Variants in SORL1 observed in about 807,000 individuals in gnomAD.
The protein encoded by SORL1 is sortilin related receptor 1.
SORL1 carries 127 observed loss-of-function variants against 273.7 expected under a neutral mutation model. The ratio of observed to expected loss-of-function variants is 0.46; its 90% confidence interval spans 0.40 to 0.54. SORL1 has a LOEUF of 0.54. Ranked by LOEUF, SORL1 falls within the 20% of genes least tolerant of loss-of-function variation. SORL1 has a pLI of 0.00. For synonymous variants in SORL1, 1,031 were observed against 1,067.4 expected, an observed-to-expected ratio of 0.97 and a Z score of 0.66; for missense variants, 2,494 against 2,846.1, an observed-to-expected ratio of 0.88 and a Z score of 2.81.
chr11:121,479,789 T>TAA (rs1375770853), intron 3 of SORL1, among the ~76,000 whole-genome samples: 1 of 152,174 alleles, frequency 6.6e-6, no homozygotes, highest in Non-Finnish European at 1.5e-5. Flanking sequence ...ACATACTTGT[T>TAA]AAAATATCAG....
intron 32 of SORL1, among the ~76,000 whole-genome samples, chr11:121,600,940 C>G (rs1863379512): frequency 6.6e-6 from 1 of 151,598 alleles, no homozygotes; most frequent in Non-Finnish European, 1.5e-5. Flanking sequence ...TACATGTGCA[C>G]ATTGTGCACG....
At chr11:121,482,962 T>A (rs1351915027) in intron 3 of SORL1, among the ~76,000 whole-genome samples, 1 of 152,268 alleles carries the variant, frequency 6.6e-6, no homozygotes, top group African/African-American at 2.4e-5. Context: ...TCCCACTTCC[T>A]TCTTGGTCTC....
In SORL1 at chr11:121,586,280, T is replaced by C. The variant is rs772694880; in HGVS notation, c.3765T>C (p.His1255=). Residue 1255 remains histidine (H), a synonymous_variant, in exon 27 of 48, where the codon CAT becomes CAC. Transcript: ENST00000260197. The stretch of plus-strand genomic sequence containing the variant: ...GCACTTGCATCCCATCCAGCAAACA[T>C]TGTGATGGTCTGCGTGATTGCTCTG... ...PNGTCIPSSK[H]CDGLRDCSDG... is the part of the protein sequence containing the mutation. The C allele has an allele frequency of 1.9e-6, 3 of 1,614,060 alleles. No homozygotes were observed. Among genetic ancestry groups the C allele is most frequent in the Non-Finnish European group, 2.5e-6 (3 of 1,179,946 alleles).
At chr11:121,457,410 T>C (rs1313893922) in intron 1 of SORL1, among the ~76,000 whole-genome samples, 5 of 152,232 alleles carry the variant, frequency 3.3e-5, no homozygotes, top group Admixed American at 3.3e-4. Context: ...TTGTTATCAA[T>C]ATTTTTGTAT....
At chr11:121,530,238 G>C (rs964113727) in intron 11 of SORL1, among the ~76,000 whole-genome samples, 1 of 152,220 alleles carries the variant, frequency 6.6e-6, no homozygotes, top group Admixed American at 6.5e-5. Context: ...CATTTCTCTT[G>C]CTTGCTCTTC....
rs375602968 is a variant in SORL1, at chr11:121,522,953, G to A, written c.1560G>A (p.Val520=). 316 of 1,613,858 alleles carry A rather than the reference G, an allele frequency of 2.0e-4. No homozygotes were observed. The highest frequency in any genetic ancestry group is 2.6e-4 in the Non-Finnish European group (310 of 1,179,842). ...VGKNLASKTN[V]YISSSAGARW... ...AGAACTTGGCTAGCAAGACAAACGTGTACATCTCTAGCAGTGCTGGAGCCA... is the reference window on the plus strand; with the variant it reads ...AGAACTTGGCTAGCAAGACAAACGTATACATCTCTAGCAGTGCTGGAGCCA... The change falls in exon 11 of 48, where the codon GTG becomes GTA. Residue 520 remains valine, a synonymous_variant. Transcript: ENST00000260197.
intron 46 of SORL1, 48 bp downstream of exon 46, chr11:121,625,325 G>A: frequency 1.4e-6 from 2 of 1,429,828 alleles, no homozygotes; most frequent in Non-Finnish European, 9.7e-7. Flanking sequence ...TAGGGAAATA[G>A]CAAGAATGTC....
chr11:121,606,773 TAAGCCC>T (rs1863480649), intron 35 of SORL1, 66 bp from the exon 36 acceptor site: 5 of 1,004,084 alleles, frequency 5.0e-6, no homozygotes, highest in Non-Finnish European at 7.8e-6. Context: ...GTCCTTGTTC[TAAGCCC>T]AGGAAAATTC....
At chr11:121,526,090 G>A (rs1000571548) in intron 11 of SORL1, among the ~76,000 whole-genome samples, 1 of 152,164 alleles carries the variant, frequency 6.6e-6, no homozygotes, top group Middle Eastern at 3.2e-3. Flanking sequence ...TCTTCTTTGA[G>A]TTGTAGGAGT....
intron 45 of SORL1, among the ~76,000 whole-genome samples, chr11:121,623,709 T>G (rs1253724917): frequency 6.6e-6 from 1 of 152,196 alleles, no homozygotes; most frequent in Admixed American, 6.5e-5. Flanking sequence ...CCAGTCGCCA[T>G]TAGGGGATCC....
At chr11:121,499,942 C>T (rs576397846) in intron 6 of SORL1, among the ~76,000 whole-genome samples, 1 of 152,328 alleles carries the variant, frequency 6.6e-6, no homozygotes, top group African/African-American at 2.4e-5. Flanking sequence ...ACTGTTTCAG[C>T]CCCCTGGCTT....
At chr11:121,601,658 A>G (rs1320181480) in intron 32 of SORL1, among the ~76,000 whole-genome samples, 4 of 151,242 alleles carry the variant, frequency 2.6e-5, no homozygotes, top group Non-Finnish European at 4.4e-5. Flanking sequence ...GACTCAAGCA[A>G]TCCAGCCTCA....
At chr11:121,581,222 A>G (rs1184961993) in intron 25 of SORL1, among the ~76,000 whole-genome samples, 1 of 152,180 alleles carries the variant, frequency 6.6e-6, no homozygotes, top group African/African-American at 2.4e-5. Flanking sequence ...GCGTTTCTTT[A>G]TAGTCTAGCG....
intron 14 of SORL1, 81 bp downstream of exon 14, chr11:121,545,510 C>T (rs1862412723): frequency 7.5e-7 from 1 of 1,328,134 alleles, no homozygotes; most frequent in South Asian, 1.2e-5. Context: ...AGGCATGGTC[C>T]CTTTCCCTGA....
intron 14 of SORL1, among the ~76,000 whole-genome samples, chr11:121,548,485 A>G (rs956242642): frequency 4.6e-5 from 7 of 152,256 alleles, no homozygotes; most frequent in African/African-American, 1.7e-4. Flanking sequence ...GGATTATGAT[A>G]TAATGCACAC....
At chr11:121,461,880 A>G (rs1861006160) in intron 1 of SORL1, among the ~76,000 whole-genome samples, 2 of 152,228 alleles carry the variant, frequency 1.3e-5, no homozygotes, top group African/African-American at 4.8e-5. Context: ...GTTGAGAGGC[A>G]TTTGGTAATG....
In SORL1 at chr11:121,522,710, G is replaced by A; in HGVS notation, c.1522+7G>A. On this transcript the variant is annotated splice_region_variant and intron_variant, in intron 10 of 47. Transcript: ENST00000260197. Reference sequence around the variant, plus strand: ...GGCCTCATCATCGCCACTGGTAAGTGTGCTTGCCTGTTCTCAAAAGGGGTT... The same window carrying A: ...GGCCTCATCATCGCCACTGGTAAGTATGCTTGCCTGTTCTCAAAAGGGGTT... The A allele has an allele frequency of 6.2e-7, 1 of 1,600,934 alleles. No individual in the cohort carries two copies. The highest frequency in any genetic ancestry group is 2.2e-5 in the East Asian group (1 of 44,804).
At chr11:121,574,402 G>C (rs1386427655) in intron 24 of SORL1, 39 bp downstream of exon 24, 2 of 1,602,352 alleles carry the variant, frequency 1.2e-6, no homozygotes, top group South Asian at 1.1e-5. Flanking sequence ...GCTCTGGAGA[G>C]GGGGGTCATT....
intron 16 of SORL1, 22 bp from the exon 17 acceptor site, chr11:121,553,915 A>G (rs749118891): frequency 1.2e-6 from 2 of 1,605,252 alleles, no homozygotes; most frequent in South Asian, 1.1e-5. Context: ...CCAACCTCCC[A>G]CGTGTCTTGT....
Sources: gnomAD v4.1 joint callset for allele counts (sites outside exome capture counted in the v4.1 genomes callset) on GRCh38, gnomAD v4.1.1 for gene constraint, MANE v1.5 for transcripts, NCBI Gene and HGNC (gene_info 2026-07-23, HGNC 2026-07-21) for gene names.